The following SRRM4 variants were observed in gnomAD, a reference collection of about 807,000 sequenced individuals.
The protein encoded by SRRM4 is serine/arginine repetitive matrix 4, also known as serine/arginine repetitive matrix protein 4.
In SRRM4, 33 loss-of-function variants were observed where a neutral mutation model predicts 68.9. The ratio of observed to expected loss-of-function variants is 0.48; its 90% confidence interval spans 0.36 to 0.64. The LOEUF (loss-of-function observed/expected upper bound fraction) is 0.64. Among genes scored for constraint, SRRM4 ranks in the 30% least tolerant of loss-of-function variants. The probability of loss-of-function intolerance (pLI) is 0.00; values close to 1 mark genes in which losing one functional copy is unlikely to be tolerated. For missense variants in SRRM4, 817 were observed against 827.1 expected, an observed-to-expected ratio of 0.99 and a Z score of 0.15; for synonymous variants, 318 against 318.8, an observed-to-expected ratio of 1.00 and a Z score of 0.03.
At chr12:119,110,778 T>G (rs1422660187) in intron 2 of SRRM4, among the ~76,000 whole-genome samples, 1 of 152,170 alleles carries the variant, frequency 6.6e-6, no homozygotes, top group Non-Finnish European at 1.5e-5. Context: ...ACTTCCCAGG[T>G]GAGGCGATGC....
At chr12:119,025,091 C>A (rs1361259206) in intron 1 of SRRM4, among the ~76,000 whole-genome samples, 11 of 152,160 alleles carry the variant, frequency 7.2e-5, no homozygotes, top group African/African-American at 2.4e-4. Context: ...AGTGCAGAGA[C>A]ACGTAACCCT....
At chr12:118,999,677 C>T (rs559320094) in intron 1 of SRRM4, among the ~76,000 whole-genome samples, 4 of 152,248 alleles carry the variant, frequency 2.6e-5, no homozygotes, top group Non-Finnish European at 2.9e-5. Context: ...CCTTATAATG[C>T]CCTGTAAGAC....
chr12:119,133,361 G>A (rs758115443), intron 8 of SRRM4, among the ~76,000 whole-genome samples: 1 of 152,214 alleles, frequency 6.6e-6, no homozygotes, highest in Non-Finnish European at 1.5e-5. Flanking sequence ...CACAATAGTA[G>A]TAGCAGTGGT....
rs1189117587 is a variant in SRRM4 at position 119,154,433 on chromosome 12, C to A, written c.1532+50C>A. On this transcript the variant is annotated intron_variant, in intron 12 of 12. Transcript: ENST00000267260. The surrounding 1 kb of genome is among the most constrained non-coding windows in gnomAD (Gnocchi z 4.7). The stretch of plus-strand genomic sequence containing the variant: ...CCACCTTCATCCTCGTTCCCACTCC[C>A]ATTCTTACTCATTCGAGCCTCAGGC... 1.9e-6 allele frequency: 3 copies of A among 1,590,098 alleles called. No individual in the cohort carries two copies. The highest frequency in any genetic ancestry group is 2.6e-6 in the Non-Finnish European group (3 of 1,165,838).
chr12:119,011,263 G>T lies in SRRM4; in HGVS notation c.131+29250G>T, dbSNP rs115802386. Among the ~76,000 whole-genome samples the T allele has an allele frequency of 8.2e-3, 1,251 of 152,264 alleles. 22 individuals carry two copies. Among genetic ancestry groups the T allele is most frequent in the African/African-American group, 0.029 (1,185 of 41,534 alleles). On this transcript the variant is annotated intron_variant, in intron 1 of 12. Coordinates refer to ENST00000267260, the MANE Select transcript of SRRM4 (RefSeq NM_194286.4). ...AAACAAATAAACAAAGTACTATGAA[G>T]AAGATTAGATTTCTATAGTCAGGTT... is the stretch of plus-strand genomic sequence containing the variant.
intron 1 of SRRM4, among the ~76,000 whole-genome samples, chr12:119,086,533 A>G (rs1476285168): frequency 6.6e-6 from 1 of 152,194 alleles, no homozygotes; most frequent in Non-Finnish European, 1.5e-5. Context: ...TATACTCTAG[A>G]GCAACCAGAG....
At chr12:119,063,237 C>A (rs1953825518) in intron 1 of SRRM4, among the ~76,000 whole-genome samples, 1 of 152,202 alleles carries the variant, frequency 6.6e-6, no homozygotes, top group Non-Finnish European at 1.5e-5. Context: ...GTTATCAATG[C>A]ACATGACTCC....
intron 1 of SRRM4, among the ~76,000 whole-genome samples, chr12:118,995,948 C>T (rs1953346879): frequency 6.6e-6 from 1 of 152,096 alleles, no homozygotes; most frequent in African/African-American, 2.4e-5. Flanking sequence ...ATCTATTTTC[C>T]AGCAGTTTCT....
chr12:119,132,622 G>T (rs894529877), intron 8 of SRRM4, among the ~76,000 whole-genome samples: 22 of 152,226 alleles, frequency 1.4e-4, no homozygotes, highest in African/African-American at 4.8e-4. Context: ...TTACCAGATT[G>T]GCTATTGGTA....
chr12:119,032,084 T>A (rs1953595367), intron 1 of SRRM4, among the ~76,000 whole-genome samples: 1 of 152,204 alleles, frequency 6.6e-6, no homozygotes, highest in Non-Finnish European at 1.5e-5. Flanking sequence ...TATCTTTAAC[T>A]CTTTAATCCA....
chr12:119,051,118 A>T (rs748995816), intron 1 of SRRM4, among the ~76,000 whole-genome samples: 1 of 152,130 alleles, frequency 6.6e-6, no homozygotes, highest in Non-Finnish European at 1.5e-5. Context: ...TGTCTGTTGG[A>T]TGGAAGCTAG....
intron 1 of SRRM4, among the ~76,000 whole-genome samples, chr12:119,095,438 G>A (rs558585379): frequency 1.3e-5 from 2 of 152,300 alleles, no homozygotes; most frequent in South Asian, 4.2e-4. Flanking sequence ...ATCTCTGGAA[G>A]GAAGCAAGTA....
intron 8 of SRRM4, among the ~76,000 whole-genome samples, chr12:119,143,391 TAGA>T (rs1269592486): frequency 3.9e-5 from 6 of 152,326 alleles, no homozygotes; most frequent in Non-Finnish European, 7.3e-5. Flanking sequence ...AGCAAAGGTA[TAGA>T]AGAAGACCCA....
chr12:119,017,169 A>G (rs1953486948), intron 1 of SRRM4, among the ~76,000 whole-genome samples: 1 of 152,228 alleles, frequency 6.6e-6, no homozygotes, highest in Admixed American at 6.5e-5. Flanking sequence ...TCCAGCTTCT[A>G]TGATTGGCAC....
chr12:119,123,633 G>C (rs1177161404), intron 6 of SRRM4, among the ~76,000 whole-genome samples: 1 of 152,126 alleles, frequency 6.6e-6, no homozygotes, highest in Non-Finnish European at 1.5e-5. Flanking sequence ...CAAAAGACAA[G>C]AGGCAAGAGA....
rs1954293052 is a variant in SRRM4, at chr12:119,130,829, G to A, written c.766G>A (p.Gly256Ser). 19 of 1,603,114 alleles carry A rather than the reference G, an allele frequency of 1.2e-5. No homozygotes were observed. Among genetic ancestry groups the A allele is most frequent in the Non-Finnish European group, 1.6e-5 (19 of 1,179,366 alleles). Residue 256 changes from glycine (G) to serine (S), a missense_variant, in exon 8 of 13, where the codon GGT becomes AGT. By Grantham distance (56) the Gly-to-Ser change is moderately conservative. Coordinates refer to ENST00000267260, the MANE Select transcript of SRRM4 (RefSeq NM_194286.4). ...LQMLGYLSAR[G>S]VITGSGSAAD... is the part of the protein sequence containing the mutation. ...GATGCTTGGCTACCTGTCAGCCAGG[G>A]GTGTAGTAAGTATTCTTCACAGCCT...
At position 118,991,420 on chromosome 12, in the gene SRRM4, C is replaced by T. The variant is rs554218112; in HGVS notation, c.131+9407C>T. ...ATGCTGCAGACTAAGTCATACCCCT[C>T]ATTACAGACATTACTTTCTTATCAC... On this transcript the variant is annotated intron_variant, in intron 1 of 12. Coordinates refer to ENST00000267260, the MANE Select transcript of SRRM4 (RefSeq NM_194286.4). Among the ~76,000 whole-genome samples the T allele has an allele frequency of 2.0e-5, 3 of 152,312 alleles. No individual in the cohort carries two copies. In the East Asian group the frequency reaches 5.8e-4, roughly 29 times the overall value.
At chr12:119,081,346 G>A (rs1428973118) in intron 1 of SRRM4, among the ~76,000 whole-genome samples, 3 of 152,202 alleles carry the variant, frequency 2.0e-5, no homozygotes, top group African/African-American at 7.2e-5. Context: ...TCATATTTGA[G>A]CAAAGACTTG....
At chr12:119,054,253 A>G (rs1183381257) in intron 1 of SRRM4, among the ~76,000 whole-genome samples, 3 of 152,162 alleles carry the variant, frequency 2.0e-5, no homozygotes, top group African/African-American at 7.2e-5. Flanking sequence ...TCCTTTGTGT[A>G]TATGTACCAC....
Sources: allele counts gnomAD v4.1 joint callset (sites outside exome capture counted in the v4.1 genomes callset), GRCh38; gene constraint gnomAD v4.1.1; non-coding constraint Gnocchi (gnomAD v3.1); transcripts MANE v1.5; gene names NCBI Gene and HGNC (gene_info 2026-07-23, HGNC 2026-07-21).